The following SGCD variants were observed in gnomAD, a reference collection of about 807,000 sequenced individuals.
The protein encoded by SGCD is sarcoglycan delta, also known as delta-sarcoglycan.
A neutral mutation model predicts 36.6 loss-of-function variants in SGCD; 18 were observed. The ratio of observed to expected loss-of-function variants is 0.49; its 90% CI spans 0.34 to 0.73. The LOEUF (loss-of-function observed/expected upper bound fraction) is 0.73, where lower values mean the gene tolerates loss of function less well. SGCD is among the 30% of genes least tolerant of loss of function. The pLI, the probability that SGCD is intolerant of heterozygous loss-of-function variation, is 0.01. For missense variants in SGCD, 387 were observed against 346.7 expected, an observed-to-expected ratio of 1.12 and a Z score of -0.92; for synonymous variants, 133 against 130.6, an observed-to-expected ratio of 1.02 and a Z score of -0.12.
intron 3 of SGCD, among the ~76,000 whole-genome samples, chr5:156,215,687 T>C (rs1479813458): frequency 6.6e-6 from 1 of 152,026 alleles, no homozygotes; most frequent in Admixed American, 6.6e-5. Flanking sequence ...ATGGCTGTTA[T>C]GAAAAAAGTG....
intron 3 of SGCD, among the ~76,000 whole-genome samples, chr5:156,501,813 T>C (rs1756465685): frequency 6.6e-6 from 1 of 152,188 alleles, no homozygotes; most frequent in Non-Finnish European, 1.5e-5. Context: ...TCGCTGGGAT[T>C]ACAATGGGAG....
At chr5:156,366,369 T>A (rs1478069377) in intron 3 of SGCD, among the ~76,000 whole-genome samples, 1 of 151,444 alleles carries the variant, frequency 6.6e-6, no homozygotes, top group East Asian at 1.9e-4. Context: ...ATGGCAAGAG[T>A]GGAAATTTGG....
At chr5:155,738,918 T>TG in the SGCD span, among the ~76,000 whole-genome samples, 1 of 146,428 alleles carries the variant, frequency 6.8e-6, no homozygotes, top group East Asian at 2.1e-4. Context: ...TGTGAGAGTG[T>TG]GTTTGCGTGT....
chr5:155,809,994 A>G, the SGCD span, among the ~76,000 whole-genome samples: 16 of 152,316 alleles, frequency 1.1e-4, no homozygotes, highest in South Asian at 3.3e-3. Context: ...AAGATTATCT[A>G]TCTCCTCATC....
the SGCD span, among the ~76,000 whole-genome samples, chr5:155,833,186 C>T: frequency 6.6e-6 from 1 of 151,238 alleles, no homozygotes; most frequent in Non-Finnish European, 1.5e-5. Context: ...GCTGAGATCG[C>T]ACCAGTACAC....
At chr5:156,621,426 C>T (rs1037914702) in intron 6 of SGCD, among the ~76,000 whole-genome samples, 5 of 152,080 alleles carry the variant, frequency 3.3e-5, no homozygotes, top group African/African-American at 7.2e-5. Flanking sequence ...TTCCTGACCT[C>T]GTAATCTTCC....
chr5:156,184,461 T>C (rs1763687311), intron 3 of SGCD, among the ~76,000 whole-genome samples: 1 of 150,996 alleles, frequency 6.6e-6, no homozygotes, highest in Admixed American at 6.6e-5. Flanking sequence ...TTTTAAAAAA[T>C]AATTTAAATA....
intron 4 of SGCD, among the ~76,000 whole-genome samples, chr5:156,556,682 A>G (rs767918375): frequency 1.4e-4 from 21 of 152,204 alleles, no homozygotes; most frequent in Non-Finnish European, 2.5e-4. Flanking sequence ...TTACCAGTTT[A>G]AAGCAAGGAG....
chr5:156,540,579 C>A (rs1758311924), intron 4 of SGCD, among the ~76,000 whole-genome samples: 1 of 152,092 alleles, frequency 6.6e-6, no homozygotes, highest in Admixed American at 6.6e-5. Flanking sequence ...AAATCCTGGG[C>A]CTTAAATGCT....
chr5:156,562,975 G>GTTA (rs887111697), intron 4 of SGCD, among the ~76,000 whole-genome samples: 4 of 151,720 alleles, frequency 2.6e-5, no homozygotes, highest in South Asian at 2.1e-4. Flanking sequence ...ATGATAGATT[G>GTTA]TTATTATTAT....
the SGCD span, among the ~76,000 whole-genome samples, chr5:155,738,366 G>A: frequency 6.6e-6 from 1 of 152,162 alleles, no homozygotes; most frequent in Non-Finnish European, 1.5e-5. Flanking sequence ...TGTTTCCGGT[G>A]TCTTCTGCAT....
intron 3 of SGCD, among the ~76,000 whole-genome samples, chr5:156,453,108 T>G (rs1437654883): frequency 6.6e-6 from 1 of 152,124 alleles, no homozygotes; most frequent in Admixed American, 6.6e-5. Context: ...AGAAGACAAA[T>G]AGAATAGCAT....
chr5:156,264,163 G>A (rs1349164201), intron 3 of SGCD, among the ~76,000 whole-genome samples: 2 of 151,966 alleles, frequency 1.3e-5, no homozygotes, highest in African/African-American at 2.4e-5. Context: ...GAAAGTGAAC[G>A]TAACATTTGA....
In SGCD at chr5:156,766,026, G is replaced by A. The variant is rs1223114581; in HGVS notation, c.*6636G>A. The A allele has an allele frequency of 6.9e-6, 1 of 144,650 alleles. No individual in the cohort carries two copies. Among genetic ancestry groups the A allele is most frequent in the Non-Finnish European group, 1.5e-5 (1 of 66,988 alleles). The allele number at this position is 144,650 out of a possible 1,614,324, so 9.0% of individuals were successfully genotyped here. A position where few individuals can be genotyped will look rare whatever the true frequency, so the allele number is the denominator to read the frequency against. ...ATTAATTTTTTCTGTGTATGCTTAGGTCAAGCTTAAAAAAAAAAAAAAAAG... is the reference window on the plus strand; with the variant it reads ...ATTAATTTTTTCTGTGTATGCTTAGATCAAGCTTAAAAAAAAAAAAAAAAG... On this transcript the variant is annotated 3_prime_UTR_variant, in exon 9 of 9. Coordinates refer to ENST00000337851, the MANE Select transcript of SGCD (RefSeq NM_000337.6).
intron 4 of SGCD, among the ~76,000 whole-genome samples, chr5:156,543,926 G>A (rs1007566649): frequency 6.6e-6 from 1 of 152,182 alleles, no homozygotes; most frequent in Non-Finnish European, 1.5e-5. Flanking sequence ...TTCCACTGCA[G>A]TTTTGTGATT....
intron 1 of SGCD, among the ~76,000 whole-genome samples, chr5:156,067,837 G>A (rs1475781590): frequency 1.4e-5 from 2 of 140,438 alleles, no homozygotes; most frequent in Admixed American, 6.8e-5. Flanking sequence ...TGCGCCCACT[G>A]TCTGGCACTC....
intron 7 of SGCD, among the ~76,000 whole-genome samples, chr5:156,730,368 C>G (rs1021460228): frequency 1.4e-4 from 21 of 152,250 alleles, no homozygotes; most frequent in South Asian, 4.2e-4. Flanking sequence ...CCCTGATCCT[C>G]TCTATCCTCT....
chr5:155,890,444 G>A (rs1756097419), intron 1 of SGCD, among the ~76,000 whole-genome samples: 1 of 152,026 alleles, frequency 6.6e-6, no homozygotes, highest in Non-Finnish European at 1.5e-5. Context: ...GGGCACCATG[G>A]TGGAACCTTA....
At chr5:156,032,335 T>A (rs566746422) in intron 1 of SGCD, among the ~76,000 whole-genome samples, 1 of 152,284 alleles carries the variant, frequency 6.6e-6, no homozygotes, top group Admixed American at 6.5e-5. Context: ...TGTATTCTTT[T>A]TTGTTTTTTT....
Sources: gnomAD v4.1 joint callset for allele counts (sites outside exome capture counted in the v4.1 genomes callset) on GRCh38, gnomAD v4.1.1 for gene constraint, MANE v1.5 for transcripts, NCBI Gene and HGNC (gene_info 2026-07-23, HGNC 2026-07-21) for gene names.